Variants in GRXCR1 observed in about 807,000 individuals in gnomAD.
GRXCR1 encodes glutaredoxin and cysteine rich domain containing 1.
GRXCR1 carries 27 observed loss-of-function variants against 27.3 expected under a neutral mutation model. That is an observed-to-expected ratio of 0.99 (90% CI 0.73 to 1.37). The LOEUF (loss-of-function observed/expected upper bound fraction) is 1.37. GRXCR1 is among the 40% of genes most tolerant of loss of function. GRXCR1 has a pLI of 0.00. For synonymous variants in GRXCR1, 122 were observed against 131.1 expected (o/e 0.93, Z 0.47); for missense variants, 379 against 354.4 (o/e 1.07, Z -0.56).
At chr4:42,987,269 T>G (rs112892332) in intron 2 of GRXCR1, among the ~76,000 whole-genome samples, 7 of 80,110 alleles carry the variant, frequency 8.7e-5, no homozygotes, top group South Asian at 7.5e-4. Flanking sequence ...ATAATATATA[T>G]ATATATATAG....
At chr4:42,908,845 A>C (rs1746655917) in intron 1 of GRXCR1, among the ~76,000 whole-genome samples, 1 of 152,208 alleles carries the variant, frequency 6.6e-6, no homozygotes, top group Non-Finnish European at 1.5e-5. Context: ...ATTGGTTGCC[A>C]GGGATTCTGA....
chr4:42,996,950 C>T (rs536546370), intron 2 of GRXCR1, among the ~76,000 whole-genome samples: 19 of 152,238 alleles, frequency 1.2e-4, no homozygotes, highest in African/African-American at 4.6e-4. Context: ...TGGCCACCAA[C>T]TACTCTATGT....
chr4:42,987,020 G>T (rs897876317), intron 2 of GRXCR1, among the ~76,000 whole-genome samples: 4 of 150,556 alleles, frequency 2.7e-5, no homozygotes, highest in Non-Finnish European at 5.9e-5. Context: ...GTGTGTGTGT[G>T]TGTGTGTGTG....
chr4:42,894,924 GT>G (rs1386710123), intron 1 of GRXCR1, among the ~76,000 whole-genome samples: 1 of 152,006 alleles, frequency 6.6e-6, no homozygotes. Context: ...CAACAATGAA[GT>G]TTTAAAATGT....
intron 1 of GRXCR1, among the ~76,000 whole-genome samples, chr4:42,931,951 C>T (rs370866361): frequency 3.9e-5 from 6 of 151,936 alleles, no homozygotes; most frequent in African/African-American, 1.4e-4. Flanking sequence ...ACATGGTGGC[C>T]GGCAATAGAG....
intron 1 of GRXCR1, among the ~76,000 whole-genome samples, chr4:42,957,267 T>G (rs892960413): frequency 3.3e-5 from 5 of 152,110 alleles, no homozygotes; most frequent in African/African-American, 1.2e-4. Flanking sequence ...TAATAGTACC[T>G]AGCAGCTTGT....
chr4:42,900,466 T>C (rs1259265924), intron 1 of GRXCR1, among the ~76,000 whole-genome samples: 2 of 152,182 alleles, frequency 1.3e-5, no homozygotes, highest in Admixed American at 6.6e-5. Flanking sequence ...TTTTTTTGAT[T>C]CTTAAATAAC....
chr4:42,900,559 T>A (rs558952712), intron 1 of GRXCR1, among the ~76,000 whole-genome samples: 1 of 152,252 alleles, frequency 6.6e-6, no homozygotes, highest in South Asian at 2.1e-4. Flanking sequence ...ATCCCTTTTA[T>A]ATGAAAACTC....
intron 2 of GRXCR1, among the ~76,000 whole-genome samples, chr4:43,005,813 A>C (rs1382609554): frequency 2.0e-5 from 3 of 152,322 alleles, no homozygotes; most frequent in East Asian, 3.9e-4. Flanking sequence ...AAAGGGACAT[A>C]CAGCATGGTC....
intron 1 of GRXCR1, among the ~76,000 whole-genome samples, chr4:42,946,014 A>C (rs1407578485): frequency 6.6e-6 from 1 of 152,176 alleles, no homozygotes; most frequent in Non-Finnish European, 1.5e-5. Context: ...ATTTGTTTGA[A>C]TATATCATGT....
At chr4:43,010,080 A>T (rs1292181573) in intron 2 of GRXCR1, among the ~76,000 whole-genome samples, 1 of 152,130 alleles carries the variant, frequency 6.6e-6, no homozygotes, top group Non-Finnish European at 1.5e-5. Flanking sequence ...GTTCAACTCC[A>T]TCACATATTT....
At chr4:43,025,663 C>T (rs916907627) in intron 3 of GRXCR1, among the ~76,000 whole-genome samples, 1 of 152,182 alleles carries the variant, frequency 6.6e-6, no homozygotes, top group African/African-American at 2.4e-5. Flanking sequence ...GTTTCCGCAG[C>T]AGTCAATCTC....
chr4:42,962,673 T>A (rs1042734604), intron 1 of GRXCR1, among the ~76,000 whole-genome samples: 2 of 151,956 alleles, frequency 1.3e-5, no homozygotes, highest in Non-Finnish European at 2.9e-5. Context: ...GATATGCTAC[T>A]GAGAAAAGGA....
chr4:42,929,519 T>C (rs1747255663), intron 1 of GRXCR1, among the ~76,000 whole-genome samples: 1 of 151,960 alleles, frequency 6.6e-6, no homozygotes, highest in Non-Finnish European at 1.5e-5. Flanking sequence ...GGAGAGAATC[T>C]CACTCATAAG....
chr4:43,019,158 C>A (rs1290664806), intron 2 of GRXCR1, among the ~76,000 whole-genome samples: 4 of 152,160 alleles, frequency 2.6e-5, no homozygotes, highest in Non-Finnish European at 1.5e-5. Context: ...CCTCAGAAAG[C>A]CTTCTCTACT....
At chr4:42,924,165 A>G (rs188253992) in intron 1 of GRXCR1, among the ~76,000 whole-genome samples, 14 of 152,246 alleles carry the variant, frequency 9.2e-5, no homozygotes, top group Admixed American at 6.5e-4. Context: ...GGCAGACCCT[A>G]CATACAAGAA....
At chr4:43,025,553 A>G (rs1713228084) in intron 3 of GRXCR1, among the ~76,000 whole-genome samples, 1 of 152,142 alleles carries the variant, frequency 6.6e-6, no homozygotes, top group Non-Finnish European at 1.5e-5. Flanking sequence ...CTCAACCCAA[A>G]CCACTATTCA....
At chr4:42,908,243 C>A (rs553406416) in intron 1 of GRXCR1, among the ~76,000 whole-genome samples, 2 of 152,308 alleles carry the variant, frequency 1.3e-5, no homozygotes, top group South Asian at 2.1e-4. Context: ...TGCTGCTATA[C>A]CTGCCTGACC....
intron 1 of GRXCR1, among the ~76,000 whole-genome samples, chr4:42,957,249 C>A (rs1748026623): frequency 6.6e-6 from 1 of 152,054 alleles, no homozygotes; most frequent in South Asian, 2.1e-4. Context: ...ATTACTTCTG[C>A]ATTTCATTAA....
Sources: allele counts gnomAD v4.1 joint callset (sites outside exome capture counted in the v4.1 genomes callset), GRCh38; gene constraint gnomAD v4.1.1; transcripts MANE v1.5; gene names NCBI Gene and HGNC (gene_info 2026-07-23, HGNC 2026-07-21).